Variants in INPP5B observed in about 807,000 individuals in gnomAD.
The protein encoded by INPP5B is type II inositol 1,4,5-trisphosphate 5-phosphatase.
In INPP5B, 90 loss-of-function variants were observed where a neutral mutation model predicts 118.5. The ratio of observed to expected loss-of-function variants is 0.76; its 90% CI spans 0.64 to 0.90. The LOEUF (loss-of-function observed/expected upper bound fraction) is 0.90. INPP5B is among the 40% of genes least tolerant of loss of function. The pLI is 0.00. For missense variants in INPP5B, 984 were observed against 1,125.6 expected (o/e 0.87, Z 1.80); for synonymous variants, 385 against 418.9 (o/e 0.92, Z 0.99).
chr1:37,925,069 G>C (rs1191875941), intron 7 of INPP5B, among the ~76,000 whole-genome samples: 1 of 152,214 alleles, frequency 6.6e-6, no homozygotes, highest in East Asian at 1.9e-4. Flanking sequence ...AGCTACTTGG[G>C]AGGCTGAGGC....
rs933645295 is a variant in INPP5B, at chr1:37,874,144, C to G, written c.1800G>C (p.Gln600His). 6.4e-7 allele frequency: 1 copy of G among 1,569,220 alleles called. No homozygotes were observed. The highest frequency in any genetic ancestry group is 8.7e-7 in the Non-Finnish European group (1 of 1,146,768). The change falls in exon 18 of 24, where the codon CAG becomes CAC. Residue 600 changes from glutamine to histidine, a missense_variant. Physicochemically the swap from Gln to His is conservative, Grantham distance 24. Coordinates refer to ENST00000373024, the MANE Select transcript of INPP5B (RefSeq NM_005540.3). The stretch of plus-strand genomic sequence containing the variant: ...CTTTCAATTGCATGTACTTCACATT[C>G]TGAAAACAGAACTGGGAAGAAGCCC... Reference protein sequence around the residue: ...VSLSKREFCFQNVKYMQLKVE... With the variant: ...VSLSKREFCFHNVKYMQLKVE...
intron 7 of INPP5B, among the ~76,000 whole-genome samples, chr1:37,899,468 A>C (rs1644248731): frequency 1.3e-5 from 2 of 151,730 alleles, no homozygotes; most frequent in African/African-American, 4.8e-5. Flanking sequence ...AAGGTGAGGC[A>C]AGAAAATCGC....
Position 37,875,637 on chromosome 1 carries a change from T to G in INPP5B, c.1757A>C (p.Asn586Thr). 1 of 1,614,070 alleles carries G rather than the reference T, an allele frequency of 6.2e-7. No homozygotes were observed. The highest frequency in any genetic ancestry group is 1.3e-5 in the African/African-American group (1 of 75,032). Residue 586 changes from asparagine to threonine, a missense_variant, in exon 17 of 24, where the codon AAC (asparagine) becomes ACC (threonine). Around this residue, in one of 2 missense-constraint regions of INPP5B, gnomAD observed 634 missense variants for 791.0 expected, o/e 0.80. Coordinates refer to ENST00000373024, the MANE Select transcript of INPP5B (RefSeq NM_005540.3). The part of the protein sequence containing the change: ...VRSLDKMENA[N>T]IPSVSLSKRE... The stretch of plus-strand genomic sequence containing the variant: ...CTTGGACAGGGACACAGAAGGAATG[T>G]TGGCATTTTCCATCTTATCCAGGGA...
intron 19 of INPP5B, chr1:37,870,047 A>G (rs1642315234): frequency 6.6e-6 from 1 of 152,140 alleles, no homozygotes; most frequent in East Asian, 1.9e-4. Flanking sequence ...AAACAAAAGA[A>G]TAATATCATT....
rs1643104910 is a variant in INPP5B at position 37,880,143 on chromosome 1, C to T, written c.1483G>A (p.Glu495Lys). The change falls in exon 15 of 24, where the codon GAG becomes AAG. Residue 495 changes from glutamate to lysine, a missense_variant. This residue lies in a region of INPP5B where 634 missense variants were observed against 791.0 expected (regional missense o/e 0.80). Coordinates refer to ENST00000373024, the MANE Select transcript of INPP5B (RefSeq NM_005540.3). ...TTGTAAGTAGGCTGGAATGTGAGCTCACCCTCTGTGAAGCCTTCAAAGACA... is the reference window on the plus strand; with the variant it reads ...TTGTAAGTAGGCTGGAATGTGAGCTTACCCTCTGTGAAGCCTTCAAAGACA... The part of the protein sequence containing the change: ...KTVFEGFTEG[E>K]LTFQPTYKYD... 1 of 1,612,310 alleles carries T rather than the reference C, an allele frequency of 6.2e-7. No homozygotes were observed. Among genetic ancestry groups the T allele is most frequent in the Non-Finnish European group, 8.5e-7 (1 of 1,178,678 alleles).
intron 6 of INPP5B, among the ~76,000 whole-genome samples, chr1:37,938,605 A>G (rs1246084120): frequency 6.6e-6 from 1 of 152,232 alleles, no homozygotes; most frequent in African/African-American, 2.4e-5. Context: ...GTACTGGCAG[A>G]GATGGGTTTC....
chr1:37,878,940 G>C (rs909882301), intron 15 of INPP5B, among the ~76,000 whole-genome samples: 1 of 144,688 alleles, frequency 6.9e-6, no homozygotes, highest in Admixed American at 6.9e-5. Context: ...GTGAGCCACC[G>C]CACCCAGCCT....
At chr1:37,941,634 CT>C (rs1204249002) in intron 5 of INPP5B, among the ~76,000 whole-genome samples, 1 of 150,154 alleles carries the variant, frequency 6.7e-6, no homozygotes, top group East Asian at 2.0e-4. Context: ...GAGCAAGATC[CT>C]GTCTCAAAAA....
intron 15 of INPP5B, 128 bp from the exon 16 acceptor site, chr1:37,878,451 G>T: frequency 6.8e-7 from 1 of 1,470,364 alleles, no homozygotes. Context: ...GTCATCTGAG[G>T]CAGCAAGAGC....
At chr1:37,906,698 A>G (rs899926306) in intron 7 of INPP5B, among the ~76,000 whole-genome samples, 16 of 152,112 alleles carry the variant, frequency 1.1e-4, no homozygotes, top group African/African-American at 3.6e-4. Context: ...TCTATTAAAA[A>G]AAAATACAAA....
rs34526336 is a variant in INPP5B at position 37,899,177 on chromosome 1, C to CAAA, written c.533-7726_533-7724dup. On this transcript the variant is annotated intron_variant, in intron 7 of 23. Transcript: ENST00000373024. ...GCCTGGGCAACAAGAGTGAAACTGT[C>CAAA]AAAAAAAAAAAAAAAAAGACTAAAG... 9.7e-3 allele frequency among the ~76,000 whole-genome samples: 1,136 copies of CAAA among 117,054 alleles called. 30 individuals are homozygous for CAAA. Among genetic ancestry groups the CAAA allele is most frequent in the East Asian group, 0.035 (136 of 3,912 alleles). The allele number at this position is 117,054 out of a possible 152,430, so 76.8% of individuals were successfully genotyped here.
At chr1:37,877,273 C>A (rs1225821011) in intron 16 of INPP5B, among the ~76,000 whole-genome samples, 7 of 147,194 alleles carry the variant, frequency 4.8e-5, no homozygotes, top group Non-Finnish European at 8.9e-5. Flanking sequence ...ACCCGGGAGG[C>A]GGAGGTTGCA....
chr1:37,940,025 AGAG>A (rs1487779355), intron 6 of INPP5B, among the ~76,000 whole-genome samples: 2 of 152,192 alleles, frequency 1.3e-5, no homozygotes, highest in Non-Finnish European at 2.9e-5. Context: ...GCAAGACCAC[AGAG>A]AAGACCAGCC....
At chr1:37,895,495 C>A (rs1234025062) in intron 7 of INPP5B, among the ~76,000 whole-genome samples, 1 of 151,612 alleles carries the variant, frequency 6.6e-6, no homozygotes, top group Non-Finnish European at 1.5e-5. Context: ...CTCTCCCCCT[C>A]CCCCTCCCTC....
At chr1:37,886,255 T>C (rs1201869687) in intron 12 of INPP5B, among the ~76,000 whole-genome samples, 1 of 142,996 alleles carries the variant, frequency 7.0e-6, no homozygotes, top group African/African-American at 2.5e-5. Flanking sequence ...CCTGTGGTAT[T>C]ATCTATATTG....
At chr1:37,936,391 CG>C (rs372236821) in intron 6 of INPP5B, among the ~76,000 whole-genome samples, 10 of 152,176 alleles carry the variant, frequency 6.6e-5, no homozygotes, top group African/African-American at 2.2e-4. Flanking sequence ...GAGGCCGAGG[CG>C]GGCGGATCAC....
At chr1:37,897,320 A>G (rs1176249008) in intron 7 of INPP5B, among the ~76,000 whole-genome samples, 1 of 148,044 alleles carries the variant, frequency 6.8e-6, no homozygotes, top group East Asian at 2.0e-4. Flanking sequence ...AAGATTGAGA[A>G]ATCGGATGGT....
Position 37,873,069 on chromosome 1 carries a change from A to C in INPP5B, c.2048T>G (p.Leu683Arg). The C allele has an allele frequency of 1.9e-6, 3 of 1,614,202 alleles. No homozygotes were observed. Among genetic ancestry groups the C allele is most frequent in the Non-Finnish European group, 2.5e-6 (3 of 1,180,034 alleles). ...GEDKIEDILV[L>R]HLDRGKDYFL... ...GTAATCCTTTCCCCTGTCCAAGTGC[A>C]GAACCAGAATGTCCTCAATTTTGTC... Residue 683 changes from leucine (L) to arginine (R), a missense_variant, in exon 19 of 24, where the codon CTG (leucine) becomes CGG (arginine). This residue lies in a region of INPP5B where 634 missense variants were observed against 791.0 expected (regional missense o/e 0.80). Coordinates refer to ENST00000373024, the MANE Select transcript of INPP5B (RefSeq NM_005540.3).
intron 19 of INPP5B, among the ~76,000 whole-genome samples, chr1:37,869,012 A>C (rs1642229400): frequency 6.6e-6 from 1 of 151,806 alleles, no homozygotes; most frequent in South Asian, 2.1e-4. Context: ...TATTTTTTTG[A>C]GACGGAGTCT....
Sources: gnomAD v4.1 joint callset for allele counts (sites outside exome capture counted in the v4.1 genomes callset) on GRCh38, gnomAD v4.1.1 for gene constraint, gnomAD v4.1.1 regional missense constraint, MANE v1.5 for transcripts, NCBI Gene and HGNC (gene_info 2026-07-23, HGNC 2026-07-21) for gene names.